The following SHF variants were observed in gnomAD, a reference collection of about 807,000 sequenced individuals.
SHF encodes Src homology 2 domain containing F.
A neutral mutation model predicts 42.4 loss-of-function variants in SHF; 30 were observed. That is an observed-to-expected ratio of 0.71 (90% CI 0.53 to 0.96). The LOEUF (loss-of-function observed/expected upper bound fraction) is 0.96, where lower values mean the gene tolerates loss of function less well. Among genes scored for constraint, SHF ranks in the 40% least tolerant of loss-of-function variants. The pLI is 0.00. For missense variants in SHF, 598 were observed against 634.0 expected (o/e 0.94, Z 0.61); for synonymous variants, 264 against 269.9 (o/e 0.98, Z 0.21).
chr15:45,167,925 TCA>T lies in SHF; in HGVS notation c.*20_*21del. On this transcript the variant is annotated 3_prime_UTR_variant, in exon 7 of 7. Coordinates refer to ENST00000690270, the MANE Select transcript of SHF (RefSeq NM_001394037.1). Reference sequence around the variant, plus strand: ...GGGCACAGGGCTGGGTACAGGTCTATCACAGTGCCCTGGCTTCACATCTAAAG... The same window carrying T: ...GGGCACAGGGCTGGGTACAGGTCTATCAGTGCCCTGGCTTCACATCTAAAG... 1 of 1,572,850 alleles carries T rather than the reference TCA, an allele frequency of 6.4e-7. No individual in the cohort carries two copies. The highest frequency in any genetic ancestry group is 8.7e-7 in the Non-Finnish European group (1 of 1,154,618).
chr15:45,194,065 G>A (rs1242451813), intron 2 of SHF, among the ~76,000 whole-genome samples: 1 of 138,018 alleles, frequency 7.2e-6, no homozygotes, highest in Admixed American at 7.8e-5. Context: ...TCGTGCCACT[G>A]TACTCCAGCC....
At chr15:45,168,230 T>A (rs1320896857) in intron 6 of SHF, 97 bp from the exon 7 acceptor site, 2 of 1,221,610 alleles carry the variant, frequency 1.6e-6, no homozygotes, top group African/African-American at 1.5e-5. Flanking sequence ...GCAAATGTGG[T>A]GGTTCCGAAG....
rs1317326306 is a variant in SHF at position 45,193,925 on chromosome 15, C to G, written c.303+4847G>C. ...ACCAGCCTAGGTAACATGGCGAAAC[C>G]CCTTCTGTACCAAAAAAAAAAAAAA... On this transcript the variant is annotated intron_variant, in intron 2 of 7. Transcript: ENST00000290894. 2.0e-5 allele frequency among the ~76,000 whole-genome samples: 3 copies of G among 150,808 alleles called. No individual in the cohort carries two copies. The East Asian group carries it at 5.9e-4, about 29-fold the overall frequency.
rs1239422570 is a variant in SHF, at chr15:45,175,293, TC to T, written c.772del (p.Asp258MetfsTer108). The T allele has an allele frequency of 6.2e-7, 1 of 1,611,524 alleles. No homozygotes were observed. Among genetic ancestry groups the T allele is most frequent in the Non-Finnish European group, 8.5e-7 (1 of 1,179,022 alleles). ...ATACTCCTCAGGGGGCCTCTCATCA[TC>T]CTCTGGCAGGCGGGACTCCCGGGGC... ...PWPRESRLPE[D>X]DERPPEEYDQ... On this transcript the variant is annotated frameshift_variant, in exon 3 of 7. Coordinates refer to ENST00000690270, the MANE Select transcript of SHF (RefSeq NM_001394037.1). LOFTEE classifies it high-confidence loss of function.
chr15:45,190,423 T>C (rs1183945945), upstream of SHF, among the ~76,000 whole-genome samples: 1 of 152,118 alleles, frequency 6.6e-6, no homozygotes, highest in Non-Finnish European at 1.5e-5. Context: ...AGCCAGGTAT[T>C]TGGGGAAGGT....
chr15:45,167,975 A>C lies in SHF; in HGVS notation c.1439T>G (p.Leu480Arg). Residue 480 changes from leucine to arginine, a missense_variant, in exon 7 of 7, where the codon CTC becomes CGC. Leu to Arg is a moderately radical substitution (Grantham distance 102). Transcript: ENST00000690270. ...PIKGAEHMSL[L>R]YPVAIRTL Reference sequence around the variant, plus strand: ...AAGAGTCCGGATGGCCACAGGGTAGAGCAGGGACATGTGTTCGGCTCCCTT... The same window carrying C: ...AAGAGTCCGGATGGCCACAGGGTAGCGCAGGGACATGTGTTCGGCTCCCTT... The C allele has an allele frequency of 6.2e-7, 1 of 1,612,246 alleles. No homozygotes were observed. The highest frequency in any genetic ancestry group is 8.5e-7 in the Non-Finnish European group (1 of 1,178,964).
At chr15:45,182,401 GA>G (rs1374594754) in intron 1 of SHF, among the ~76,000 whole-genome samples, 1 of 152,210 alleles carries the variant, frequency 6.6e-6, no homozygotes, top group Non-Finnish European at 1.5e-5. Context: ...TTGGGAAGAG[GA>G]AAATGAATTT....
exon 2 of SHF, chr15:45,198,976 G>T (rs1243686856): frequency 6.2e-7 from 1 of 1,613,434 alleles, no homozygotes; most frequent in Non-Finnish European, 8.5e-7. Context: ...TACCCTTGGG[G>T]GATGCCCGTT....
chr15:45,199,537 T>C (rs1648300), intron 1 of SHF, among the ~76,000 whole-genome samples: 149,254 of 152,186 alleles, frequency 0.98, 73,274 homozygotes, highest in Non-Finnish European at 1. Flanking sequence ...TATTTTCACT[T>C]CTACCCTCCT....
chr15:45,191,612 G>A (rs1238937405), upstream of SHF, among the ~76,000 whole-genome samples: 2 of 152,190 alleles, frequency 1.3e-5, no homozygotes, highest in Non-Finnish European at 2.9e-5. Context: ...ACGTTGAAAT[G>A]GATAAAGACA....
chr15:45,171,623 C>T, intron 6 of SHF: 1 of 533,112 alleles, frequency 1.9e-6, no homozygotes, highest in Non-Finnish European at 3.4e-6. Flanking sequence ...GAAACTGAGG[C>T]CTAGAGAGGT....
Position 45,187,771 on chromosome 15 carries a change from C to G in SHF, c.181G>C (p.Gly61Arg). 3 of 908,136 alleles carry G rather than the reference C, an allele frequency of 3.3e-6. No homozygotes were observed. Among genetic ancestry groups the G allele is most frequent in the Non-Finnish European group, 4.3e-6 (3 of 701,778 alleles). The allele number at this position is 908,136 out of a possible 1,614,324, so 56.3% of individuals were successfully genotyped here. A position where few individuals can be genotyped will look rare whatever the true frequency, so the allele number is the denominator to read the frequency against. The change falls in exon 1 of 7, where the codon GGC (glycine) becomes CGC (arginine). Residue 61 changes from glycine (G) to arginine (R), a missense_variant. Gly to Arg is a moderately radical substitution (Grantham distance 125, BLOSUM62 -2). This residue lies in a region of SHF where 159 missense variants were observed against 109.3 expected (regional missense o/e 1.45). Transcript: ENST00000690270. ...GGCTTGCTGCCCCCTCCGCCGCCGC[C>G]CCCCCCGCGGAAGCCCAGGTGCTCC... ...LREHLGFRGG[G>R]GGGGGSKPAP...
rs1897543709 is a variant in SHF at position 45,172,271 on chromosome 15, C to T, written c.1036G>A (p.Glu346Lys). 1.9e-6 allele frequency: 3 copies of T among 1,612,656 alleles called. No homozygotes were observed. The highest frequency in any genetic ancestry group is 2.5e-6 in the Non-Finnish European group (3 of 1,179,102). The change falls in exon 5 of 7, where the codon GAG (glutamate) becomes AAG (lysine). Residue 346 changes from glutamate to lysine, a missense_variant. Physicochemically the swap from Glu to Lys is moderately conservative, Grantham distance 56. This residue lies in a region of SHF where 439 missense variants were observed against 524.6 expected (regional missense o/e 0.84). Transcript: ENST00000690270. ...EKSCLSPGRE[E>K]KGRLPPRLSA... ...AGTCGGGGAGGTAGCCGCCCCTTCT[C>T]CTCCCGGCCAGGTGACAGGCAGCTC...
chr15:45,168,088 T>C lies in SHF; in HGVS notation c.1326A>G (p.Glu442=), dbSNP rs778737074. The C allele has an allele frequency of 1.2e-6, 2 of 1,611,256 alleles. No individual in the cohort carries two copies. Among genetic ancestry groups the C allele is most frequent in the Admixed American group, 3.3e-5 (2 of 59,764 alleles). The change falls in exon 7 of 7, where the codon GAA becomes GAG. Residue 442 remains glutamate (E), a synonymous_variant. Coordinates refer to ENST00000690270, the MANE Select transcript of SHF (RefSeq NM_001394037.1). ...TGTTCTGGCCCAGCACATATTTGTG[T>C]TCCTTGGTTCGGGACAGCTTCATGT... ...FMHMKLSRTK[E]HKYVLGQNSP...
chr15:45,178,832 C>T (rs903244720), intron 1 of SHF, among the ~76,000 whole-genome samples: 1 of 152,238 alleles, frequency 6.6e-6, no homozygotes, highest in African/African-American at 2.4e-5. Flanking sequence ...CGCGCCCGGC[C>T]CCAAGTGGTA....
Position 45,187,563 on chromosome 15 carries a change from G to A in SHF, c.389C>T (p.Pro130Leu). ...GTGTGGGGGAGAGCCGTGGCGCGGG[G>A]GCGGCGTGGGTCCGGGGGCGACAGG... ...ATPVAPGPTPPPRHGSPPHRL... is the reference protein window; with the variant it reads ...ATPVAPGPTPLPRHGSPPHRL... The change falls in exon 1 of 7, where the codon CCC (proline) becomes CTC (leucine). Residue 130 changes from proline (P) to leucine (L), a missense_variant. Pro to Leu is a moderately conservative substitution (Grantham distance 98). This residue lies in a region of SHF where 439 missense variants were observed against 524.6 expected (regional missense o/e 0.84). Transcript: ENST00000690270. The A allele has an allele frequency of 1.6e-6, 2 of 1,229,350 alleles. No individual in the cohort carries two copies. Among genetic ancestry groups the A allele is most frequent in the Non-Finnish European group, 2.0e-6 (2 of 985,798 alleles). The allele number at this position is 1,229,350 out of a possible 1,614,324, so 76.2% of individuals were successfully genotyped here.
At chr15:45,186,005 ACAG>A (rs1343270655) in intron 1 of SHF, among the ~76,000 whole-genome samples, 1 of 152,208 alleles carries the variant, frequency 6.6e-6, no homozygotes, top group Non-Finnish European at 1.5e-5. Flanking sequence ...AGGGCCAAAG[ACAG>A]CTCAGGCCCA....
At chr15:45,178,079 G>GA in intron 2 of SHF, 86 bp downstream of exon 2, 2 of 1,490,686 alleles carry the variant, frequency 1.3e-6, no homozygotes, top group Non-Finnish European at 1.8e-6. Context: ...AGGGACCAAA[G>GA]AATCAGTCCT....
chr15:45,198,437 A>G (rs1199562918), intron 2 of SHF: 1 of 258,596 alleles, frequency 3.9e-6, no homozygotes, highest in Non-Finnish European at 7.4e-6. Context: ...TTGAAGCTGT[A>G]TCAGAGCATT....
Sources: gnomAD v4.1 joint callset for allele counts (sites outside exome capture counted in the v4.1 genomes callset) on GRCh38, gnomAD v4.1.1 for gene constraint, gnomAD v4.1.1 regional missense constraint, MANE v1.5 for transcripts, NCBI Gene and HGNC (gene_info 2026-07-23, HGNC 2026-07-21) for gene names.